NIBAN1: variants seen among roughly 807,000 people sequenced by gnomAD.
NIBAN1 encodes the protein protein Niban 1.
A neutral mutation model predicts 75.1 loss-of-function variants in NIBAN1; 81 were observed. The observed-to-expected ratio is 1.08, with a 90% CI of 0.90 to 1.30. The LOEUF is 1.30. NIBAN1 is among the 50% of genes most tolerant of loss of function. The pLI is 0.00. For synonymous variants in NIBAN1, 436 were observed against 424.8 expected (o/e 1.03, Z -0.32); for missense variants, 1,133 against 1,128.1 (o/e 1.00, Z -0.06).
chr1:184,844,774 A>G (rs1655390435), intron 5 of NIBAN1, among the ~76,000 whole-genome samples: 1 of 152,194 alleles, frequency 6.6e-6, no homozygotes, highest in Non-Finnish European at 1.5e-5. Context: ...CAAAGACCTA[A>G]GAAATTAAAC....
At chr1:184,908,315 C>T (rs1319848602) in intron 1 of NIBAN1, among the ~76,000 whole-genome samples, 1 of 152,112 alleles carries the variant, frequency 6.6e-6, no homozygotes, top group Non-Finnish European at 1.5e-5. Context: ...TAAGCAGAGG[C>T]AAAAATATTG....
At chr1:184,862,639 A>G (rs1412114137) in intron 5 of NIBAN1, among the ~76,000 whole-genome samples, 1 of 152,244 alleles carries the variant, frequency 6.6e-6, no homozygotes, top group Admixed American at 6.5e-5. Context: ...CCATGGCAGA[A>G]GGCATATCTT....
intron 13 of NIBAN1, 109 bp downstream of exon 13, chr1:184,797,970 A>G: frequency 1.8e-6 from 1 of 549,288 alleles, no homozygotes; most frequent in East Asian, 3.0e-5. Context: ...CTCCCTCACC[A>G]ATGTCCATTT....
chr1:184,856,767 G>A (rs1031416228), intron 5 of NIBAN1, among the ~76,000 whole-genome samples: 2 of 152,170 alleles, frequency 1.3e-5, no homozygotes, highest in Non-Finnish European at 1.5e-5. Context: ...TTGGATCCCC[G>A]GCACTCTGAA....
intron 6 of NIBAN1, among the ~76,000 whole-genome samples, chr1:184,825,053 C>T (rs1654807684): frequency 6.6e-6 from 1 of 152,178 alleles, no homozygotes; most frequent in African/African-American, 2.4e-5. Context: ...AATTAATTAG[C>T]AGTCAGGTGG....
At chr1:184,970,738 A>G (rs1184164497) in intron 1 of NIBAN1, among the ~76,000 whole-genome samples, 1 of 152,216 alleles carries the variant, frequency 6.6e-6, no homozygotes, top group Non-Finnish European at 1.5e-5. Flanking sequence ...GCAAGTGCCC[A>G]CTAGGATCTG....
chr1:184,797,657 G>T (rs1310375169), intron 13 of NIBAN1, among the ~76,000 whole-genome samples: 2 of 152,050 alleles, frequency 1.3e-5, no homozygotes, highest in Non-Finnish European at 2.9e-5. Flanking sequence ...TCTCAGCTTT[G>T]GTGGGTGGGG....
At chr1:184,939,373 G>A (rs563664535) in intron 1 of NIBAN1, among the ~76,000 whole-genome samples, 1 of 152,280 alleles carries the variant, frequency 6.6e-6, no homozygotes, top group East Asian at 1.9e-4. Flanking sequence ...ACAAGGCCAA[G>A]GCTTCTCCCC....
intron 1 of NIBAN1, among the ~76,000 whole-genome samples, chr1:184,930,919 C>T (rs1657800664): frequency 6.6e-6 from 1 of 151,970 alleles, no homozygotes; most frequent in African/African-American, 2.4e-5. Flanking sequence ...TAAAATACTT[C>T]AGCATGAGGT....
chr1:184,942,287 T>G (rs371697209), intron 1 of NIBAN1, among the ~76,000 whole-genome samples: 1 of 152,276 alleles, frequency 6.6e-6, no homozygotes, highest in African/African-American at 2.4e-5. Context: ...AAAGTTATAC[T>G]TTTTTAGTCC....
intron 5 of NIBAN1, among the ~76,000 whole-genome samples, chr1:184,878,777 C>T (rs767178943): frequency 1.2e-4 from 19 of 152,184 alleles, no homozygotes; most frequent in African/African-American, 1.9e-4. Context: ...ACAACTGAAA[C>T]AGACGTCAAA....
chr1:184,874,823 T>G lies in NIBAN1; in HGVS notation c.601+9810A>C, dbSNP rs566194271. On this transcript the variant is annotated intron_variant, in intron 5 of 13. Transcript: ENST00000367511. Reference sequence around the variant, plus strand: ...TAAAAACAAAAGTAAGGATATAGATTTGAATGACACTATTAACACACCTAA... The same window carrying G: ...TAAAAACAAAAGTAAGGATATAGATGTGAATGACACTATTAACACACCTAA... Among the ~76,000 whole-genome samples, 260 of 152,162 alleles carry G rather than the reference T, an allele frequency of 1.7e-3. 1 individual carries two copies. The highest frequency in any genetic ancestry group is 6.0e-3 in the African/African-American group (248 of 41,498).
intron 5 of NIBAN1, among the ~76,000 whole-genome samples, chr1:184,856,812 A>C (rs677953): frequency 6.6e-6 from 1 of 152,024 alleles, no homozygotes; most frequent in Non-Finnish European, 1.5e-5. Flanking sequence ...AGTGTTTGGC[A>C]AAAGAAGGCA....
intron 5 of NIBAN1, among the ~76,000 whole-genome samples, chr1:184,859,023 G>A (rs183009059): frequency 1.9e-4 from 29 of 151,928 alleles, no homozygotes; most frequent in Admixed American, 7.9e-4. Flanking sequence ...GAAAAATATG[G>A]AAAGATACAT....
intron 1 of NIBAN1, among the ~76,000 whole-genome samples, chr1:184,931,609 GT>G (rs1249816724): frequency 6.6e-6 from 1 of 152,192 alleles, no homozygotes; most frequent in Non-Finnish European, 1.5e-5. Flanking sequence ...CCACAATTCT[GT>G]ATTTTATTGC....
At chr1:184,840,295 C>G (rs1655247582) in intron 5 of NIBAN1, among the ~76,000 whole-genome samples, 1 of 151,960 alleles carries the variant, frequency 6.6e-6, no homozygotes, top group Non-Finnish European at 1.5e-5. Flanking sequence ...ACTATAATAC[C>G]AAAATATTAA....
intron 4 of NIBAN1, among the ~76,000 whole-genome samples, chr1:184,887,370 T>C (rs1656554482): frequency 6.6e-6 from 1 of 152,150 alleles, no homozygotes; most frequent in African/African-American, 2.4e-5. Flanking sequence ...CTATTTCCCT[T>C]TCTGGGGAGA....
At chr1:184,932,187 G>T (rs1320872614) in intron 1 of NIBAN1, among the ~76,000 whole-genome samples, 2 of 152,108 alleles carry the variant, frequency 1.3e-5, no homozygotes, top group Non-Finnish European at 2.9e-5. Flanking sequence ...CCAGGGTTGG[G>T]GTGGCAGATG....
chr1:184,967,219 C>CTCTGTG (rs943604211), intron 1 of NIBAN1, among the ~76,000 whole-genome samples: 11 of 151,240 alleles, frequency 7.3e-5, no homozygotes, highest in African/African-American at 2.4e-4. Context: ...CTCTCTCTCT[C>CTCTGTG]TGTGTGTGTG....
Sources: allele counts gnomAD v4.1 joint callset (sites outside exome capture counted in the v4.1 genomes callset), GRCh38; gene constraint gnomAD v4.1.1; transcripts MANE v1.5; gene names NCBI Gene and HGNC (gene_info 2026-07-23, HGNC 2026-07-21).